TCP11L1: variants seen among roughly 807,000 people sequenced by gnomAD.
The protein encoded by TCP11L1 is T-complex protein 11-like protein 1.
Under a neutral mutation model 48.9 loss-of-function variants are expected in TCP11L1, and 28 were observed. That is an observed-to-expected ratio of 0.57 (90% CI 0.42 to 0.78). The LOEUF is 0.78. Ranked by LOEUF, TCP11L1 falls within the 30% of genes least tolerant of loss-of-function variation. The pLI is 0.00. For missense variants in TCP11L1, 505 were observed against 613.4 expected, an observed-to-expected ratio of 0.82 and a Z score of 1.87; for synonymous variants, 204 against 231.9, an observed-to-expected ratio of 0.88 and a Z score of 1.09.
chr11:33,072,557 C>T lies in TCP11L1; in HGVS notation c.1411C>T (p.Pro471Ser). The change falls in exon 10 of 10, where the codon CCA becomes TCA. Residue 471 changes from proline to serine, a missense_variant. Pro to Ser is a moderately conservative substitution (Grantham distance 74). Coordinates refer to ENST00000334274, the MANE Select transcript of TCP11L1 (RefSeq NM_018393.4). ...PLPTVPGGLS[P>S]VQRELEEVAI... ...GCCCACAGTCCCTGGGGGACTCAGT[C>T]CAGTTCAGAGAGAGCTGGAGGAAGT... is the stretch of plus-strand genomic sequence containing the variant. 2 of 1,614,150 alleles carry T rather than the reference C, an allele frequency of 1.2e-6. No individual in the cohort carries two copies. The highest frequency in any genetic ancestry group is 1.7e-6 in the Non-Finnish European group (2 of 1,180,026).
In TCP11L1 at chr11:33,072,371, ACAACTTCC is replaced by A. The variant is rs1273827016; in HGVS notation, c.1328-101_1328-94del. On this transcript the variant is annotated intron_variant, in intron 9 of 9. Coordinates refer to ENST00000334274, the MANE Select transcript of TCP11L1 (RefSeq NM_018393.4). ...TCTGGTCTGGGAGTATTGATCGGGG[ACAACTTCC>A]CCTAAGAGGTGATGGTTAAGCTAAG... 6 of 1,214,970 alleles carry A rather than the reference ACAACTTCC, an allele frequency of 4.9e-6. No homozygotes were observed. The East Asian group carries it at 1.4e-4, about 28-fold the overall frequency. The allele number at this position is 1,214,970 out of a possible 1,614,324, so 75.3% of individuals were successfully genotyped here. A position where few individuals can be genotyped will look rare whatever the true frequency, so the allele number is the denominator to read the frequency against.
chr11:33,049,995 G>T (rs908974625), intron 2 of TCP11L1, among the ~76,000 whole-genome samples: 5 of 152,226 alleles, frequency 3.3e-5, no homozygotes, highest in Non-Finnish European at 5.9e-5. Flanking sequence ...GCCTTCCGCA[G>T]TGTATTGTGT....
chr11:33,067,800 G>C (rs1854659900), intron 8 of TCP11L1, among the ~76,000 whole-genome samples: 1 of 152,166 alleles, frequency 6.6e-6, no homozygotes, highest in South Asian at 2.1e-4. Flanking sequence ...CTGCCAGCAT[G>C]GGGGCTCCCC....
intron 4 of TCP11L1, 28 bp from the exon 5 acceptor site, chr11:33,057,891 G>T: frequency 1.3e-6 from 2 of 1,563,074 alleles, no homozygotes; most frequent in South Asian, 1.2e-5. Flanking sequence ...AAAGAATTTT[G>T]ATTAAACGTA....
intron 9 of TCP11L1, among the ~76,000 whole-genome samples, chr11:33,070,595 T>G (rs6484643): frequency 0.85 from 128,086 of 150,684 alleles, 54,614 homozygotes; most frequent in Middle Eastern, 0.96. Flanking sequence ...TGAGGCAGGA[T>G]AATCGCTTGA....
Position 33,072,770 on chromosome 11 carries a change from A to C in TCP11L1, c.*94A>C. ...GCATTGGAAAATGGCTATATAGTAC[A>C]TGTCTATTTAACAGCACCGATTCCA... On this transcript the variant is annotated 3_prime_UTR_variant, in exon 10 of 10. Transcript: ENST00000334274. 4.4e-6 allele frequency: 6 copies of C among 1,372,446 alleles called. No homozygotes were observed. The Admixed American group carries it at 7.1e-5, about 16-fold the overall frequency. 85.0% of individuals were successfully genotyped at this position (1,372,446 alleles called of 1,614,324 possible).
chr11:33,040,714 A>C (rs1853805643), intron 1 of TCP11L1: 1 of 151,392 alleles, frequency 6.6e-6, no homozygotes, highest in African/African-American at 2.4e-5. Flanking sequence ...TCCTTTTCTC[A>C]TTTTCTTGTG....
At chr11:33,044,094 C>A in intron 2 of TCP11L1, 158 bp downstream of exon 2, 1 of 650,792 alleles carries the variant, frequency 1.5e-6, no homozygotes, top group South Asian at 3.2e-5. Context: ...AGCTGGCAGC[C>A]TAGCTACTTG....
At chr11:33,061,454 C>T (rs1382708555) in intron 6 of TCP11L1, 76 bp from the exon 7 acceptor site, 19 of 1,380,322 alleles carry the variant, frequency 1.4e-5, no homozygotes, top group Non-Finnish European at 1.8e-5. Context: ...ACCAGGACAT[C>T]GATTGTCCCT....
chr11:33,068,430 C>T (rs185870024), intron 8 of TCP11L1, among the ~76,000 whole-genome samples: 1 of 152,226 alleles, frequency 6.6e-6, no homozygotes, highest in East Asian at 1.9e-4. Flanking sequence ...GGAAGTTGTG[C>T]TTTGGGTCGT....
At position 33,054,628 on chromosome 11, in the gene TCP11L1, C is replaced by A. The variant is rs1338664736; in HGVS notation, c.199C>A (p.Leu67Ile). Reference protein sequence around the residue: ...PPRFVTVEELLETARGVTNMA... With the variant: ...PPRFVTVEELIETARGVTNMA... Reference sequence around the variant, plus strand: ...TCGCTTTGTGACAGTAGAAGAACTTCTAGAGACAGCGAGAGGTGTCACCAA... The same window carrying A: ...TCGCTTTGTGACAGTAGAAGAACTTATAGAGACAGCGAGAGGTGTCACCAA... The change falls in exon 3 of 10, where the codon CTA becomes ATA. Residue 67 changes from leucine (L) to isoleucine (I), a missense_variant. Leu to Ile is a conservative substitution (Grantham distance 5). Coordinates refer to ENST00000334274, the MANE Select transcript of TCP11L1 (RefSeq NM_018393.4). 1 of 1,613,834 alleles carries A rather than the reference C, an allele frequency of 6.2e-7. No individual in the cohort carries two copies. The highest frequency in any genetic ancestry group is 1.3e-5 in the African/African-American group (1 of 74,934).
chr11:33,043,222 C>T (rs1243220306), intron 1 of TCP11L1, among the ~76,000 whole-genome samples: 1 of 146,886 alleles, frequency 6.8e-6, no homozygotes, highest in East Asian at 2.0e-4. Flanking sequence ...GCAACAAGAG[C>T]AAAACTCCAT....
rs1854019945 is a variant in TCP11L1 at position 33,047,107 on chromosome 11, G to A, written c.163+3171G>A. Among the ~76,000 whole-genome samples the A allele has an allele frequency of 2.0e-5, 3 of 151,938 alleles. No homozygotes were observed. The South Asian group carries it at 6.2e-4, about 32-fold the overall frequency. On this transcript the variant is annotated intron_variant, in intron 2 of 9. Transcript: ENST00000334274. Reference sequence around the variant, plus strand: ...GAGTGGTGGTGTGTGCCTGTAATTGGGAGGCTGAGGCAAGAGAATCACTTG... The same window carrying A: ...GAGTGGTGGTGTGTGCCTGTAATTGAGAGGCTGAGGCAAGAGAATCACTTG...
intron 1 of TCP11L1, 177 bp downstream of exon 1, chr11:33,039,969 G>T (rs1336307216): frequency 1.3e-5 from 2 of 152,324 alleles, no homozygotes; most frequent in African/African-American, 4.8e-5. Context: ...TGTCCTCTCG[G>T]CGCGCCCGCG....
intron 7 of TCP11L1, among the ~76,000 whole-genome samples, 160 bp downstream of exon 7, chr11:33,061,886 G>A (rs1400580570): frequency 6.6e-6 from 1 of 152,164 alleles, no homozygotes; most frequent in African/African-American, 2.4e-5. Flanking sequence ...TTCAAGACTT[G>A]CCTGGGCAAC....
At chr11:33,053,189 G>A (rs1162448868) in intron 2 of TCP11L1, among the ~76,000 whole-genome samples, 1 of 147,578 alleles carries the variant, frequency 6.8e-6, no homozygotes, top group Non-Finnish European at 1.5e-5. Context: ...CTGTCGCCCA[G>A]GCTGGAGTGC....
chr11:33,057,858 A>G, intron 4 of TCP11L1, 61 bp from the exon 5 acceptor site: 2 of 1,392,574 alleles, frequency 1.4e-6, no homozygotes, highest in Non-Finnish European at 1.9e-6. Context: ...GTTATAAATT[A>G]CATATAATTA....
Position 33,065,886 on chromosome 11 carries a change from G to A in TCP11L1, c.1029G>A (p.Leu343=), listed in dbSNP as rs200705289. 6.4e-5 allele frequency: 104 copies of A among 1,614,048 alleles called. No homozygotes were observed. The Middle Eastern group carries it at 8.2e-4, about 13-fold the overall frequency. The change falls in exon 8 of 10, where the codon CTG becomes CTA. Residue 343 remains leucine (L), a synonymous_variant. Transcript: ENST00000334274. ...AGCTCCAGTTGCAGCTGGAACAACT[G>A]ACCATCCTGGGGGCTGTGTTGCTGG... ...FHELQLQLEQ[L]TILGAVLLVT... is the part of the protein sequence containing the mutation.
chr11:33,047,605 T>C (rs1223072025), intron 2 of TCP11L1, among the ~76,000 whole-genome samples: 1 of 152,252 alleles, frequency 6.6e-6, no homozygotes, highest in African/African-American at 2.4e-5. Flanking sequence ...TTTAGATGAA[T>C]AGATGACACG....
Sources: allele counts gnomAD v4.1 joint callset (sites outside exome capture counted in the v4.1 genomes callset), GRCh38; gene constraint gnomAD v4.1.1; transcripts MANE v1.5; gene names NCBI Gene and HGNC (gene_info 2026-07-23, HGNC 2026-07-21).